Variants in DLG2 observed in about 807,000 individuals in gnomAD.
DLG2 encodes the protein disks large homolog 2.
A neutral mutation model predicts 132.5 loss-of-function variants in DLG2; 45 were observed. That is an observed-to-expected ratio of 0.34 (90% confidence interval 0.27 to 0.44). DLG2 has a LOEUF of 0.44. DLG2 is among the 20% of genes least tolerant of loss of function. The probability of loss-of-function intolerance (pLI) is 1.00; values close to 1 mark genes in which losing one functional copy is unlikely to be tolerated. For missense variants in DLG2, 1,045 were observed against 1,196.9 expected, an observed-to-expected ratio of 0.87 and a Z score of 1.87; for synonymous variants, 424 against 419.6, an observed-to-expected ratio of 1.01 and a Z score of -0.13.
intron 19 of DLG2, chr11:83,631,748 C>T (rs188346736): frequency 2.2e-4 from 33 of 152,162 alleles, no homozygotes; most frequent in African/African-American, 5.5e-4. Flanking sequence ...ATTTTCCCTC[C>T]GAGCTTTATT....
chr11:85,523,375 T>A (rs923875730), intron 3 of DLG2, among the ~76,000 whole-genome samples: 1 of 151,906 alleles, frequency 6.6e-6, no homozygotes, highest in Non-Finnish European at 1.5e-5. Flanking sequence ...AGCTCCAACA[T>A]CTCTATAGGA....
intron 5 of DLG2, among the ~76,000 whole-genome samples, chr11:85,114,650 C>G (rs984725855): frequency 6.6e-6 from 1 of 151,942 alleles, no homozygotes; most frequent in African/African-American, 2.4e-5. Flanking sequence ...TTATCTGTTT[C>G]TCACTTTAGA....
intron 4 of DLG2, among the ~76,000 whole-genome samples, chr11:85,155,984 C>G (rs555256156): frequency 6.6e-6 from 1 of 152,116 alleles, no homozygotes; most frequent in Non-Finnish European, 1.5e-5. Context: ...GGAGAACTTC[C>G]TCACCAACCT....
intron 6 of DLG2, among the ~76,000 whole-genome samples, chr11:85,110,571 G>A (rs1291829154): frequency 6.6e-6 from 1 of 152,010 alleles, no homozygotes; most frequent in African/African-American, 2.4e-5. Flanking sequence ...TGCACTGCAG[G>A]AATACCTCCA....
intron 3 of DLG2, among the ~76,000 whole-genome samples, chr11:85,502,828 G>T (rs2093836507): frequency 1.3e-5 from 2 of 151,992 alleles, no homozygotes; most frequent in Non-Finnish European, 2.9e-5. Context: ...TTTTAAAAAA[G>T]AAATATACTC....
chr11:84,624,875 T>TTTTTTTTTTTTTTTAA (rs1381895712), intron 6 of DLG2, among the ~76,000 whole-genome samples: 1 of 127,424 alleles, frequency 7.8e-6, no homozygotes, highest in Non-Finnish European at 1.6e-5. Flanking sequence ...TTTTTTTTTT[T>TTTTTTTTTTTTTTTAA]GAGACGGAGT....
intron 7 of DLG2, among the ~76,000 whole-genome samples, chr11:84,511,347 T>A (rs2154514028): frequency 6.6e-6 from 1 of 152,272 alleles, no homozygotes; most frequent in African/African-American, 2.4e-5. Flanking sequence ...AACACAATAT[T>A]TGATAACCCC....
intron 6 of DLG2, among the ~76,000 whole-genome samples, chr11:84,684,271 C>T (rs1017891824): frequency 1.8e-4 from 27 of 152,078 alleles, no homozygotes; most frequent in African/African-American, 5.8e-4. Context: ...TTCCTTTTGT[C>T]TTTCCTTGAG....
At chr11:85,124,941 C>A (rs1050029981) in intron 5 of DLG2, among the ~76,000 whole-genome samples, 1 of 152,114 alleles carries the variant, frequency 6.6e-6, no homozygotes, top group Non-Finnish European at 1.5e-5. Flanking sequence ...CGCCATTCTC[C>A]TGCCTCAGCC....
intron 7 of DLG2, among the ~76,000 whole-genome samples, chr11:84,297,126 AT>A (rs72343403): frequency 0.52 from 60,465 of 117,262 alleles, 14,140 homozygotes; most frequent in Non-Finnish European, 0.61. Context: ...ACCTCAAAGA[AT>A]TTGAAAAAAA....
chr11:85,106,351 T>TA (rs1356643675), intron 6 of DLG2, among the ~76,000 whole-genome samples: 16 of 152,108 alleles, frequency 1.1e-4, no homozygotes, highest in African/African-American at 3.9e-4. Flanking sequence ...ATGACACTCC[T>TA]ATGTCATCGG....
intron 3 of DLG2, among the ~76,000 whole-genome samples, chr11:85,481,319 G>C (rs941805099): frequency 2.0e-5 from 3 of 152,118 alleles, no homozygotes; most frequent in Non-Finnish European, 2.9e-5. Context: ...TCTAATGCTT[G>C]TCTCTCCCAC....
intron 8 of DLG2, among the ~76,000 whole-genome samples, chr11:84,165,914 AAAC>A (rs142735808): frequency 3.3e-5 from 5 of 151,940 alleles, no homozygotes; most frequent in African/African-American, 4.8e-5. Flanking sequence ...AAAACTAAAC[AAAC>A]AACAACAACA....
chr11:85,622,989 C>T (rs961015073), intron 2 of DLG2, among the ~76,000 whole-genome samples: 5 of 149,006 alleles, frequency 3.4e-5, no homozygotes, highest in South Asian at 4.3e-4. Flanking sequence ...ACCCCGGAGG[C>T]GGAGGTTCCA....
rs115591554 is a variant in DLG2, at chr11:84,424,296, G to C, written c.519+110274C>G. Among the ~76,000 whole-genome samples, 435 of 152,222 alleles carry C rather than the reference G, an allele frequency of 2.9e-3. 3 individuals carry two copies. The highest frequency in any genetic ancestry group is 0.01 in the African/African-American group (424 of 41,546). On this transcript the variant is annotated intron_variant, in intron 7 of 27. Coordinates refer to ENST00000376104, the MANE Select transcript of DLG2 (RefSeq NM_001142699.3). ...CATCCATGCTGATATTGTGGAGCAT[G>C]TGATTACAAAGTTGTTCAAAATAGT... is the stretch of plus-strand genomic sequence containing the variant.
At chr11:84,046,021 A>G (rs1415587033) in intron 11 of DLG2, among the ~76,000 whole-genome samples, 2 of 151,654 alleles carry the variant, frequency 1.3e-5, no homozygotes, top group East Asian at 3.9e-4. Flanking sequence ...GTGAACAGCT[A>G]CCATTAGTAT....
At chr11:83,733,801 C>T (rs1007846451) in intron 18 of DLG2, among the ~76,000 whole-genome samples, 6 of 152,308 alleles carry the variant, frequency 3.9e-5, no homozygotes, top group African/African-American at 9.6e-5. Flanking sequence ...GGAGGATACA[C>T]GTGCAGTTTT....
At chr11:84,486,875 C>CA (rs1331277086) in intron 7 of DLG2, among the ~76,000 whole-genome samples, 4 of 151,744 alleles carry the variant, frequency 2.6e-5, no homozygotes, top group Non-Finnish European at 4.4e-5. Context: ...ATGTTGCTAG[C>CA]AAAAAAATGT....
At chr11:84,728,214 T>C (rs536035362) in intron 6 of DLG2, among the ~76,000 whole-genome samples, 53 of 152,318 alleles carry the variant, frequency 3.5e-4, no homozygotes, top group African/African-American at 1.1e-3. Context: ...TAGTATGATA[T>C]TGGCTGTGGG....
Sources: allele counts gnomAD v4.1 joint callset (sites outside exome capture counted in the v4.1 genomes callset), GRCh38; gene constraint gnomAD v4.1.1; transcripts MANE v1.5; gene names NCBI Gene and HGNC (gene_info 2026-07-23, HGNC 2026-07-21).